The following KIRREL1 variants were observed in gnomAD, a reference collection of about 807,000 sequenced individuals.
KIRREL1 encodes the protein kirre like nephrin family adhesion molecule 1.
A neutral mutation model predicts 83.3 loss-of-function variants in KIRREL1; 25 were observed. That is an observed-to-expected ratio of 0.30 (90% CI 0.22 to 0.42). The LOEUF (loss-of-function observed/expected upper bound fraction) is 0.42, where lower values mean the gene tolerates loss of function less well. Among genes scored for constraint, KIRREL1 ranks in the 10% least tolerant of loss-of-function variants. The pLI, the probability that KIRREL1 is intolerant of heterozygous loss-of-function variation, is 1.00. For missense variants in KIRREL1, 812 were observed against 1,032.3 expected, an observed-to-expected ratio of 0.79 and a Z score of 2.92; for synonymous variants, 388 against 410.4, an observed-to-expected ratio of 0.95 and a Z score of 0.66.
At chr1:158,000,069 G>T (rs1049131241) in intron 1 of KIRREL1, among the ~76,000 whole-genome samples, 2 of 150,678 alleles carry the variant, frequency 1.3e-5, no homozygotes, top group Non-Finnish European at 3.0e-5. Context: ...AAGATGGGGT[G>T]GGGGCTGAGG....
At position 158,096,547 on chromosome 1, in the gene KIRREL1, G is replaced by A; in HGVS notation, c.*1427G>A. ...AGAGATGGGTGAGGGGACCTGGAGA[G>A]GTAAGGGGCCTGGAAATGGCCCTGA... On this transcript the variant is annotated 3_prime_UTR_variant, in exon 15 of 15. Transcript: ENST00000359209. The A allele has an allele frequency of 2.2e-6, 1 of 456,984 alleles. No homozygotes were observed. Among genetic ancestry groups the A allele is most frequent in the Non-Finnish European group, 4.4e-6 (1 of 227,016 alleles). The allele number at this position is 456,984 out of a possible 1,614,324, so 28.3% of individuals were successfully genotyped here.
chr1:158,032,489 T>A (rs1393443219), intron 1 of KIRREL1, among the ~76,000 whole-genome samples: 1 of 152,232 alleles, frequency 6.6e-6, no homozygotes, highest in Non-Finnish European at 1.5e-5. Flanking sequence ...GTAAGGGAAC[T>A]TGTCTCTGGA....
intron 1 of KIRREL1, among the ~76,000 whole-genome samples, chr1:158,002,228 G>A (rs890483273): frequency 6.6e-6 from 1 of 152,190 alleles, no homozygotes; most frequent in Non-Finnish European, 1.5e-5. Context: ...CAGTAACTGC[G>A]AGGAGAGCTC....
chr1:158,057,565 C>A (rs1390839098), intron 1 of KIRREL1, among the ~76,000 whole-genome samples: 2 of 152,174 alleles, frequency 1.3e-5, no homozygotes, highest in Non-Finnish European at 2.9e-5. Flanking sequence ...AGTTCATATC[C>A]ATAGCCACTG....
At chr1:158,081,949 C>T (rs1456837898) in intron 3 of KIRREL1, among the ~76,000 whole-genome samples, 1 of 152,214 alleles carries the variant, frequency 6.6e-6, no homozygotes, top group Non-Finnish European at 1.5e-5. Context: ...CATCCAGGAT[C>T]TTCCTCCTGG....
At position 158,094,760 on chromosome 1, in the gene KIRREL1, A is replaced by G. The variant is rs1429831770; in HGVS notation, c.1914A>G (p.Ser638=). The change falls in exon 15 of 15, where the codon TCA becomes TCG. Residue 638 remains serine, a synonymous_variant. Coordinates refer to ENST00000359209, the MANE Select transcript of KIRREL1 (RefSeq NM_018240.7). This position sits in a 1 kb window ranked among gnomAD's most constrained non-coding sequence, Gnocchi z 4.6. ...PGPARFDGRP[S]SRLSHSSGYA... ...CTGCCCGCTTCGACGGCCGCCCCTC[A>G]TCCCGTCTCTCCCACTCCAGCGGCT... 3 of 1,613,710 alleles carry G rather than the reference A, an allele frequency of 1.9e-6. No individual in the cohort carries two copies. The highest frequency in any genetic ancestry group is 2.5e-6 in the Non-Finnish European group (3 of 1,179,976).
intron 1 of KIRREL1, among the ~76,000 whole-genome samples, chr1:158,014,086 C>T (rs1314219106): frequency 6.6e-6 from 1 of 151,582 alleles, no homozygotes; most frequent in Non-Finnish European, 1.5e-5. Flanking sequence ...AGTAAGAAGG[C>T]AGGTGGAAGG....
chr1:158,018,455 A>G (rs1392977038), intron 1 of KIRREL1, among the ~76,000 whole-genome samples: 1 of 152,188 alleles, frequency 6.6e-6, no homozygotes, highest in East Asian at 1.9e-4. Flanking sequence ...TAGCATGGCC[A>G]TGGAGCCAGG....
intron 1 of KIRREL1, among the ~76,000 whole-genome samples, chr1:158,007,201 A>C (rs1421524785): frequency 1.3e-5 from 2 of 152,206 alleles, no homozygotes; most frequent in African/African-American, 4.8e-5. Flanking sequence ...ATAAACACCT[A>C]TAAAGATCAT....
intron 1 of KIRREL1, among the ~76,000 whole-genome samples, chr1:158,045,788 C>T (rs969305978): frequency 8.5e-5 from 13 of 152,316 alleles, no homozygotes; most frequent in East Asian, 1.9e-4. Flanking sequence ...CTTCTAATCA[C>T]GTGGTTGATC....
At chr1:158,074,853 T>A (rs1454675682) in intron 1 of KIRREL1, among the ~76,000 whole-genome samples, 1 of 152,146 alleles carries the variant, frequency 6.6e-6, no homozygotes, top group Non-Finnish European at 1.5e-5. Context: ...ATGGGGCAGA[T>A]AAATTTTAGA....
At position 158,088,142 on chromosome 1, in the gene KIRREL1, G is replaced by A; in HGVS notation, c.904G>A (p.Val302Ile). ...GGGAAGCACCAATGTCAGCACTTTA[G>A]TAAATGTCCACTGTGAGTAGCTGGG... is the stretch of plus-strand genomic sequence containing the variant. ...KVGSTNVSTL[V>I]NVHFAPRIVV... is the part of the protein sequence containing the mutation. The change falls in exon 7 of 15, where the codon GTA becomes ATA. Residue 302 changes from valine (V) to isoleucine (I), a missense_variant. Physicochemically the swap from Val to Ile is conservative, Grantham distance 29. This residue lies in a region of KIRREL1 where 472 missense variants were observed against 626.8 expected (regional missense o/e 0.75). Coordinates refer to ENST00000359209, the MANE Select transcript of KIRREL1 (RefSeq NM_018240.7). The A allele has an allele frequency of 6.2e-7, 1 of 1,614,224 alleles. No individual in the cohort carries two copies. Among genetic ancestry groups the A allele is most frequent in the Non-Finnish European group, 8.5e-7 (1 of 1,180,036 alleles).
At chr1:158,004,426 G>T (rs2101626009) in intron 1 of KIRREL1, among the ~76,000 whole-genome samples, 1 of 152,272 alleles carries the variant, frequency 6.6e-6, no homozygotes, top group East Asian at 1.9e-4. Context: ...GTTCTCTGGG[G>T]TTCAGTGCAG....
intron 1 of KIRREL1, among the ~76,000 whole-genome samples, chr1:158,046,746 G>A (rs1305498777): frequency 6.6e-6 from 1 of 152,146 alleles, no homozygotes; most frequent in Non-Finnish European, 1.5e-5. Context: ...GCAAGATGAG[G>A]ACGAAGATGA....
intron 1 of KIRREL1, among the ~76,000 whole-genome samples, chr1:158,072,119 T>G (rs1362433592): frequency 1.3e-5 from 2 of 152,004 alleles, no homozygotes; most frequent in Non-Finnish European, 2.9e-5. Flanking sequence ...CCACATTCTC[T>G]TTTTCAGGGA....
At chr1:158,092,720 G>A (rs1170011566) in intron 11 of KIRREL1, among the ~76,000 whole-genome samples, 23 of 152,138 alleles carry the variant, frequency 1.5e-4, no homozygotes, top group Admixed American at 1.2e-3. Context: ...ATACAGTAAC[G>A]TGGGGCTCCA....
Position 158,095,276 on chromosome 1 carries a change from C to T in KIRREL1, c.*156C>T, listed in dbSNP as rs755664816. On this transcript the variant is annotated 3_prime_UTR_variant, in exon 15 of 15. Transcript: ENST00000359209. Reference sequence around the variant, plus strand: ...GGGAGCAGGTCTCCCAGAAACACCCCGTCCCGAGGATGGTGCTCTGTGCAT... The same window carrying T: ...GGGAGCAGGTCTCCCAGAAACACCCTGTCCCGAGGATGGTGCTCTGTGCAT... The T allele has an allele frequency of 2.0e-4, 127 of 620,854 alleles. No homozygotes were observed. Among genetic ancestry groups the T allele is most frequent in the Non-Finnish European group, 2.6e-4 (92 of 357,530 alleles). 38.5% of individuals were successfully genotyped at this position (620,854 alleles called of 1,614,324 possible).
rs986769430 is a variant in KIRREL1 at position 158,042,192 on chromosome 1, G to A, written c.53-33921G>A. ...TGGGCCCAGGGCCATGAGTAGCTGC[G>A]TCGTGTGGGTCTTCTCCAGGGTGTG... On this transcript the variant is annotated intron_variant, in intron 1 of 14. Coordinates refer to ENST00000359209, the MANE Select transcript of KIRREL1 (RefSeq NM_018240.7). Among the ~76,000 whole-genome samples the A allele has an allele frequency of 1.2e-4, 18 of 149,618 alleles. 1 individual carries two copies. Among genetic ancestry groups the A allele is most frequent in the Admixed American group, 6.7e-4 (10 of 14,876 alleles).
At position 158,094,854 on chromosome 1, in the gene KIRREL1, C is replaced by T. The variant is rs778567787; in HGVS notation, c.2008C>T (p.Pro670Ser). ...DYGPEPTPPG[P>S]AAPAGTDTTS... ...TGGCCCTGAGCCCACACCCCCTGGC[C>T]CTGCTGCCCCAGCTGGCACTGACAC... Residue 670 changes from proline to serine, a missense_variant, in exon 15 of 15, where the codon CCT becomes TCT. By Grantham distance (74) the Pro-to-Ser change is moderately conservative. Coordinates refer to ENST00000359209, the MANE Select transcript of KIRREL1 (RefSeq NM_018240.7). This position sits in a 1 kb window ranked among gnomAD's most constrained non-coding sequence, Gnocchi z 4.6. 1 of 1,613,994 alleles carries T rather than the reference C, an allele frequency of 6.2e-7. No homozygotes were observed. The highest frequency in any genetic ancestry group is 1.1e-5 in the South Asian group (1 of 91,044).
Sources: allele counts gnomAD v4.1 joint callset (sites outside exome capture counted in the v4.1 genomes callset), GRCh38; gene constraint gnomAD v4.1.1; regional missense constraint gnomAD v4.1.1; non-coding constraint Gnocchi (gnomAD v3.1); transcripts MANE v1.5; gene names NCBI Gene and HGNC (gene_info 2026-07-23, HGNC 2026-07-21).